MANBA: variants seen among roughly 807,000 people sequenced by gnomAD.
MANBA encodes the protein beta-mannosidase.
MANBA carries 83 observed loss-of-function variants against 111.1 expected under a neutral mutation model. The observed-to-expected ratio is 0.75, with a 90% CI of 0.63 to 0.90. MANBA has a LOEUF of 0.90. Among genes scored for constraint, MANBA ranks in the 40% least tolerant of loss-of-function variants. The pLI is 0.00. For missense variants in MANBA, 1,036 were observed against 1,069.0 expected, an observed-to-expected ratio of 0.97 and a Z score of 0.43; for synonymous variants, 370 against 378.7, an observed-to-expected ratio of 0.98 and a Z score of 0.27.
At chr4:102,661,059 T>C (rs1430972213) in intron 11 of MANBA, among the ~76,000 whole-genome samples, 1 of 152,092 alleles carries the variant, frequency 6.6e-6, no homozygotes, top group Non-Finnish European at 1.5e-5. Context: ...CCCACAGTAA[T>C]CCAGGAGTCC....
intron 5 of MANBA, among the ~76,000 whole-genome samples, chr4:102,707,658 C>T (rs1733361576): frequency 6.6e-6 from 1 of 152,106 alleles, no homozygotes; most frequent in African/African-American, 2.4e-5. Flanking sequence ...CCTCATATAT[C>T]AATAATAACC....
At chr4:102,638,476 G>A (rs34349956) in intron 14 of MANBA, among the ~76,000 whole-genome samples, 3 of 151,072 alleles carry the variant, frequency 2.0e-5, no homozygotes, top group African/African-American at 7.3e-5. Flanking sequence ...TGAGTGTCTT[G>A]TTTCCCACAG....
chr4:102,706,755 TA>T (rs1317672571), intron 5 of MANBA, among the ~76,000 whole-genome samples: 2 of 151,714 alleles, frequency 1.3e-5, no homozygotes, highest in Non-Finnish European at 2.9e-5. Flanking sequence ...ACAGATATAA[TA>T]AAAAAGAACC....
At chr4:102,635,770 T>A in intron 15 of MANBA, 95 bp downstream of exon 15, 1 of 1,327,046 alleles carries the variant, frequency 7.5e-7, no homozygotes, top group Non-Finnish European at 1.1e-6. Context: ...TCTAAATTAA[T>A]TTCTCTTTTA....
Position 102,664,802 on chromosome 4 carries a change from AT to A in MANBA, c.1367del (p.Asn456MetfsTer7). On this transcript the variant is annotated frameshift_variant, in exon 11 of 17. Coordinates refer to ENST00000647097, the MANE Select transcript of MANBA (RefSeq NM_005908.4). LOFTEE classifies it high-confidence loss of function. ...HPSIIIWSGN[N>X]ENEEALMMNW... ...TCATCATCAGCGCCTCCTCATTTTC[AT>A]TATTGCCACTCCATATGATGATAGA... The A allele has an allele frequency of 1.2e-6, 2 of 1,610,194 alleles. No homozygotes were observed. Among genetic ancestry groups the A allele is most frequent in the Non-Finnish European group, 1.7e-6 (2 of 1,176,402 alleles).
chr4:102,714,587 A>T (rs961732595), intron 4 of MANBA, 26 bp from the exon 5 acceptor site: 1 of 1,596,976 alleles, frequency 6.3e-7, no homozygotes, highest in African/African-American at 1.3e-5. Flanking sequence ...GAAAAAGAAG[A>T]TATATTCTGA....
chr4:102,671,698 C>T (rs1171202860), intron 8 of MANBA, among the ~76,000 whole-genome samples: 1 of 152,106 alleles, frequency 6.6e-6, no homozygotes, highest in African/African-American at 2.4e-5. Context: ...CAGTTGTAAG[C>T]CTTGGAAAGT....
chr4:102,636,497 G>A (rs1034439481), intron 14 of MANBA, among the ~76,000 whole-genome samples: 3 of 152,194 alleles, frequency 2.0e-5, no homozygotes, highest in Non-Finnish European at 4.4e-5. Flanking sequence ...GTTATACGGT[G>A]CATGACTGTA....
intron 16 of MANBA, among the ~76,000 whole-genome samples, chr4:102,634,199 C>G (rs928534944): frequency 3.3e-5 from 5 of 152,186 alleles, no homozygotes; most frequent in African/African-American, 1.2e-4. Flanking sequence ...TTTATAACAA[C>G]ACATCCTGAT....
intron 12 of MANBA, among the ~76,000 whole-genome samples, chr4:102,657,222 T>TGGGG (rs1553944231): frequency 1.3e-4 from 7 of 52,196 alleles, no homozygotes; most frequent in African/African-American, 4.5e-4. Context: ...AGGAGTGGGG[T>TGGGG]GGGGGGGGGG....
intron 7 of MANBA, chr4:102,681,554 C>T (rs917862239): frequency 2.0e-5 from 3 of 152,162 alleles, no homozygotes; most frequent in African/African-American, 7.2e-5. Context: ...AAATATTACA[C>T]ATTACACCTC....
At chr4:102,708,673 T>C (rs1048349015) in intron 5 of MANBA, among the ~76,000 whole-genome samples, 4 of 151,364 alleles carry the variant, frequency 2.6e-5, no homozygotes, top group African/African-American at 9.7e-5. Flanking sequence ...CTCAATGAAA[T>C]AGAGACAAAA....
At chr4:102,722,750 A>T in intron 4 of MANBA, 121 bp downstream of exon 4, 1 of 993,710 alleles carries the variant, frequency 1.0e-6, no homozygotes, top group South Asian at 1.3e-5. Context: ...AAACCCCACT[A>T]AGGGATCAGG....
At position 102,635,820 on chromosome 4, in the gene MANBA, T is replaced by C. The variant is rs753990471; in HGVS notation, c.2157+45A>G. ...TGTAACCAAACAACTAAAGAAATCA[T>C]CTAAAAGTCTCCTTCGATCTTAGAA... On this transcript the variant is annotated intron_variant, in intron 15 of 16. Coordinates refer to ENST00000647097, the MANE Select transcript of MANBA (RefSeq NM_005908.4). The C allele has an allele frequency of 6.4e-6, 10 of 1,566,418 alleles. No homozygotes were observed. In the African/African-American group the frequency reaches 1.4e-4, roughly 21 times the overall value.
intron 7 of MANBA, among the ~76,000 whole-genome samples, chr4:102,680,505 T>C (rs1292316322): frequency 6.6e-6 from 1 of 151,986 alleles, no homozygotes; most frequent in Non-Finnish European, 1.5e-5. Flanking sequence ...TTCCATCTTG[T>C]CTAGGAAAGC....
intron 5 of MANBA, among the ~76,000 whole-genome samples, chr4:102,691,982 A>G (rs747171758): frequency 6.6e-6 from 1 of 152,174 alleles, no homozygotes; most frequent in Non-Finnish European, 1.5e-5. Flanking sequence ...AAAATTGATG[A>G]GGGGGTCAGC....
At chr4:102,687,002 A>G (rs1732246410) in intron 7 of MANBA, among the ~76,000 whole-genome samples, 1 of 152,022 alleles carries the variant, frequency 6.6e-6, no homozygotes, top group Non-Finnish European at 1.5e-5. Flanking sequence ...CCCCACACAA[A>G]ACACATCTAA....
chr4:102,651,578 T>C (rs116455595), intron 12 of MANBA, among the ~76,000 whole-genome samples: 1 of 152,258 alleles, frequency 6.6e-6, no homozygotes, highest in African/African-American at 2.4e-5. Context: ...ACACAGACTT[T>C]GAAAAAACAT....
chr4:102,705,240 G>C (rs1468077142), intron 5 of MANBA, among the ~76,000 whole-genome samples: 2 of 152,154 alleles, frequency 1.3e-5, no homozygotes, highest in East Asian at 3.9e-4. Context: ...AGCCATGAGA[G>C]AGCACCTCCA....
Sources: gnomAD v4.1 joint callset for allele counts (sites outside exome capture counted in the v4.1 genomes callset) on GRCh38, gnomAD v4.1.1 for gene constraint, MANE v1.5 for transcripts, NCBI Gene and HGNC (gene_info 2026-07-23, HGNC 2026-07-21) for gene names.